Variants in NTF3 observed in about 807,000 individuals in gnomAD.
NTF3 encodes neurotrophin 3.
Under a neutral mutation model 26.3 loss-of-function variants are expected in NTF3, and 8 were observed. The observed-to-expected ratio is 0.30, with a 90% CI of 0.18 to 0.55. The LOEUF (loss-of-function observed/expected upper bound fraction) is 0.55, where lower values mean the gene tolerates loss of function less well. Ranked by LOEUF, NTF3 falls within the 20% of genes least tolerant of loss-of-function variation. The pLI, the probability that NTF3 is intolerant of heterozygous loss-of-function variation, is 0.93. For synonymous variants in NTF3, 154 were observed against 145.5 expected (o/e 1.06, Z -0.42); for missense variants, 276 against 352.9 (o/e 0.78, Z 1.75).
chr12:5,477,155 G>T (rs537022937), intron 1 of NTF3, among the ~76,000 whole-genome samples: 3 of 152,268 alleles, frequency 2.0e-5, no homozygotes, highest in African/African-American at 7.2e-5. Context: ...GTTTCCCCAG[G>T]GTGGGGAAGA....
chr12:5,481,429 A>G (rs1321786599), intron 1 of NTF3, among the ~76,000 whole-genome samples: 1 of 151,536 alleles, frequency 6.6e-6, no homozygotes, highest in African/African-American at 2.4e-5. Context: ...ACATGCACAC[A>G]TACACAGACA....
intron 1 of NTF3, among the ~76,000 whole-genome samples, chr12:5,460,983 G>T (rs1940517310): frequency 6.6e-6 from 1 of 152,182 alleles, no homozygotes; most frequent in Admixed American, 6.5e-5. Flanking sequence ...ACAGATCAGG[G>T]TTTTTCCATC....
chr12:5,452,221 G>A (rs1042551140), intron 1 of NTF3, among the ~76,000 whole-genome samples: 11 of 151,322 alleles, frequency 7.3e-5, no homozygotes, highest in Admixed American at 3.9e-4. Context: ...TCAGCCTCCC[G>A]AGTAGCTGGG....
At chr12:5,431,742 C>T (rs1044743078), upstream of NTF3, among the ~76,000 whole-genome samples, 380 of 152,174 alleles carry the variant, frequency 2.5e-3, 1 homozygote, top group African/African-American at 8.5e-3. Flanking sequence ...AGAAAAAGAA[C>T]CACTAAGAAA....
chr12:5,480,387 G>A (rs542727220), intron 1 of NTF3, among the ~76,000 whole-genome samples: 1 of 152,146 alleles, frequency 6.6e-6, no homozygotes. Flanking sequence ...ACAATAGAAT[G>A]CTGTGTTGCC....
chr12:5,474,265 C>A (rs1184394524), intron 1 of NTF3, among the ~76,000 whole-genome samples: 1 of 152,166 alleles, frequency 6.6e-6, no homozygotes, highest in Non-Finnish European at 1.5e-5. Context: ...AGAGAGCATA[C>A]AGTTAAGTGG....
Position 5,432,349 on chromosome 12 carries a change from G to T in NTF3, c.18+7G>T, listed in dbSNP as rs2121125984. The T allele has an allele frequency of 6.2e-7, 1 of 1,612,820 alleles. No individual in the cohort carries two copies. The highest frequency in any genetic ancestry group is 2.2e-5 in the East Asian group (1 of 44,830). On this transcript the variant is annotated splice_region_variant and intron_variant, in intron 1 of 1. Coordinates refer to ENST00000423158, the MANE Select transcript of NTF3 (RefSeq NM_001102654.2). ...CATGGTTACTTTTGCCACGGTAAGG[G>T]GAGGCGGCGGGCACCTTGGGTGGGC... is the stretch of plus-strand genomic sequence containing the variant.
intron 1 of NTF3, among the ~76,000 whole-genome samples, chr12:5,443,263 G>C (rs1565384495): frequency 6.6e-6 from 1 of 152,010 alleles, no homozygotes. Flanking sequence ...TCATGTAAGG[G>C]CCCCCCCATC....
intron 1 of NTF3, among the ~76,000 whole-genome samples, chr12:5,471,207 A>G (rs1177120853): frequency 3.3e-5 from 5 of 152,182 alleles, no homozygotes; most frequent in Non-Finnish European, 7.4e-5. Flanking sequence ...AATGTGGAAC[A>G]GACGGCCTTT....
At chr12:5,432,034 A>C, upstream of NTF3, 2 of 170,060 alleles carry the variant, frequency 1.2e-5, no homozygotes, top group Non-Finnish European at 2.5e-5. Flanking sequence ...GCGGCGCGGA[A>C]GGGGTTAAGG....
intron 1 of NTF3, among the ~76,000 whole-genome samples, chr12:5,474,540 G>A (rs2121217072): frequency 6.6e-6 from 1 of 152,248 alleles, no homozygotes; most frequent in South Asian, 2.1e-4. Flanking sequence ...AGATGAGGCT[G>A]GCAAGTGAGG....
At chr12:5,457,375 C>A (rs953244758) in intron 1 of NTF3, among the ~76,000 whole-genome samples, 3 of 152,172 alleles carry the variant, frequency 2.0e-5, no homozygotes, top group Non-Finnish European at 4.4e-5. Flanking sequence ...TGGCTTCTAC[C>A]ATCGCCTTAT....
intron 1 of NTF3, among the ~76,000 whole-genome samples, chr12:5,446,905 C>A (rs11063682): frequency 6.6e-6 from 1 of 152,276 alleles, no homozygotes; most frequent in African/African-American, 2.4e-5. Context: ...CGACCTGATG[C>A]GAGAACCGGA....
chr12:5,443,749 A>G (rs1940268827), intron 1 of NTF3, among the ~76,000 whole-genome samples: 1 of 151,818 alleles, frequency 6.6e-6, no homozygotes, highest in Non-Finnish European at 1.5e-5. Context: ...TAGCTCTTTT[A>G]CTCCTTGTCT....
intron 1 of NTF3, among the ~76,000 whole-genome samples, chr12:5,445,871 A>G (rs1393099641): frequency 6.6e-6 from 1 of 152,192 alleles, no homozygotes; most frequent in Non-Finnish European, 1.5e-5. Context: ...TTCAACTAAT[A>G]TGGGCTAAGG....
chr12:5,456,993 C>G lies in NTF3; in HGVS notation c.18+24651C>G, dbSNP rs996135782. Among the ~76,000 whole-genome samples, 49 of 152,156 alleles carry G rather than the reference C, an allele frequency of 3.2e-4. No individual in the cohort carries two copies. Among genetic ancestry groups the G allele is most frequent in the African/African-American group, 1.1e-3 (46 of 41,430 alleles). On this transcript the variant is annotated intron_variant, in intron 1 of 1. Coordinates refer to ENST00000423158, the MANE Select transcript of NTF3 (RefSeq NM_001102654.2). This position sits in a 1 kb window ranked among gnomAD's most constrained non-coding sequence, Gnocchi z 4.4. ...CTGCCCGTCCCCAGGTCCACAGGCT[C>G]ACAGAGCAGACACGGTCTGTGCCTG...
Position 5,494,376 on chromosome 12 carries a change from C to T in NTF3, c.201C>T (p.Asp67=). Residue 67 remains aspartate, a synonymous_variant, in exon 2 of 2, where the codon GAC becomes GAT. Coordinates refer to ENST00000423158, the MANE Select transcript of NTF3 (RefSeq NM_001102654.2). The surrounding 1 kb of genome is among the most constrained non-coding windows in gnomAD (Gnocchi z 8.3). The part of the protein sequence containing the change: ...LKNKLSKQMV[D]VKENYQSTLP... ...ACAAGCTCTCCAAGCAGATGGTGGA[C>T]GTTAAGGAAAATTACCAGAGCACCC... 1.9e-6 allele frequency: 3 copies of T among 1,613,978 alleles called. No individual in the cohort carries two copies. The highest frequency in any genetic ancestry group is 1.1e-5 in the South Asian group (1 of 91,064).
rs1383355721 is a variant in NTF3, at chr12:5,433,836, G to A, written c.18+1494G>A. 6.6e-6 allele frequency among the ~76,000 whole-genome samples: 1 copy of A among 151,258 alleles called. No individual in the cohort carries two copies. The highest frequency in any genetic ancestry group is 1.5e-5 in the Non-Finnish European group (1 of 67,790). ...GTGGACTTGTTTATGTGTGTGAAGA[G>A]GCGGGGGCGAGGGCCTGCTGAGAGG... On this transcript the variant is annotated intron_variant, in intron 1 of 1. Coordinates refer to ENST00000423158, the MANE Select transcript of NTF3 (RefSeq NM_001102654.2). This position sits in a 1 kb window ranked among gnomAD's most constrained non-coding sequence, Gnocchi z 4.6.
At chr12:5,492,490 A>C (rs1940950089) in intron 1 of NTF3, among the ~76,000 whole-genome samples, 1 of 152,174 alleles carries the variant, frequency 6.6e-6, no homozygotes. Context: ...TTGGGCCTGT[A>C]ATATTGAAGA....
Sources: allele counts gnomAD v4.1 joint callset (sites outside exome capture counted in the v4.1 genomes callset), GRCh38; gene constraint gnomAD v4.1.1; non-coding constraint Gnocchi (gnomAD v3.1); transcripts MANE v1.5; gene names NCBI Gene and HGNC (gene_info 2026-07-23, HGNC 2026-07-21).